The following LINGO2 variants were observed in gnomAD, a reference collection of about 807,000 sequenced individuals.
LINGO2 encodes the protein leucine-rich repeat and immunoglobulin-like domain-containing nogo receptor-interacting protein 2.
A neutral mutation model predicts 30.6 loss-of-function variants in LINGO2; 14 were observed. That is an observed-to-expected ratio of 0.46 (90% CI 0.30 to 0.72). The LOEUF (loss-of-function observed/expected upper bound fraction) is 0.72, where lower values mean the gene tolerates loss of function less well. Among genes scored for constraint, LINGO2 ranks in the 30% least tolerant of loss-of-function variants. LINGO2 has a pLI of 0.07. For missense variants in LINGO2, 729 were observed against 751.7 expected, an observed-to-expected ratio of 0.97 and a Z score of 0.35; for synonymous variants, 317 against 288.5, an observed-to-expected ratio of 1.10 and a Z score of -1.00.
chr9:28,703,502 T>C, the LINGO2 span, among the ~76,000 whole-genome samples: 2 of 151,890 alleles, frequency 1.3e-5, no homozygotes. Context: ...AGGATGTGTT[T>C]TATGGCCAAG....
chr9:28,137,074 G>T (rs1587061521), intron 4 of LINGO2, among the ~76,000 whole-genome samples: 1 of 152,070 alleles, frequency 6.6e-6, no homozygotes, highest in East Asian at 1.9e-4. Context: ...CTATACCACT[G>T]GCTGCCCTGG....
At chr9:27,949,118 C>T in exon 6 of LINGO2, 7 of 1,614,128 alleles carry the variant, frequency 4.3e-6, no homozygotes, top group East Asian at 2.2e-5. Flanking sequence ...TGGAGTCGGT[C>T]ATGTACATAG....
chr9:28,596,133 T>A (rs1340185972), intron 1 of LINGO2, among the ~76,000 whole-genome samples: 1 of 152,160 alleles, frequency 6.6e-6, no homozygotes, highest in Non-Finnish European at 1.5e-5. Context: ...GGAAGGATAT[T>A]ATAACTATTT....
At chr9:28,921,562 C>G in the LINGO2 span, among the ~76,000 whole-genome samples, 15 of 152,202 alleles carry the variant, frequency 9.9e-5, no homozygotes, top group East Asian at 2.5e-3. Context: ...CTTGGTAGCT[C>G]GAGCAGTAAA....
the LINGO2 span, among the ~76,000 whole-genome samples, chr9:28,775,680 C>A: frequency 6.6e-6 from 1 of 152,162 alleles, no homozygotes; most frequent in African/African-American, 2.4e-5. Flanking sequence ...TGATTGACAT[C>A]TGCTAAGAAC....
chr9:28,674,909 T>A (rs961600209), upstream of LINGO2, among the ~76,000 whole-genome samples: 1 of 152,042 alleles, frequency 6.6e-6, no homozygotes, highest in Non-Finnish European at 1.5e-5. Flanking sequence ...TTGGAGAGTG[T>A]AGAATGTGAC....
intron 5 of LINGO2, among the ~76,000 whole-genome samples, chr9:28,005,366 A>G (rs753591190): frequency 1.3e-5 from 2 of 152,176 alleles, no homozygotes; most frequent in African/African-American, 2.4e-5. Flanking sequence ...GTGATTCCCA[A>G]CTTCTCTGAG....
At chr9:28,085,020 T>A (rs1563965019) in intron 4 of LINGO2, among the ~76,000 whole-genome samples, 1 of 152,118 alleles carries the variant, frequency 6.6e-6, no homozygotes, top group Admixed American at 6.6e-5. Flanking sequence ...TCTAATTTAA[T>A]CTTTAAAACA....
intron 1 of LINGO2, among the ~76,000 whole-genome samples, chr9:28,645,326 A>G (rs549463176): frequency 6.6e-6 from 1 of 152,272 alleles, no homozygotes; most frequent in African/African-American, 2.4e-5. Context: ...TCACATAAAC[A>G]TAAGTCATCA....
In LINGO2 at chr9:28,148,881, T is replaced by A; in HGVS notation, c.-86-136476A>T. 1 of 1,533,742 alleles carries A rather than the reference T, an allele frequency of 6.5e-7. No homozygotes were observed. The highest frequency in any genetic ancestry group is 8.7e-7 in the Non-Finnish European group (1 of 1,146,552). ...GGCTTGCTGATGGTGGGGGAGGACA[T>A]GCAGCCCAAGGATCCTGCAGCTCTT... On this transcript the variant is annotated intron_variant, in intron 4 of 5. Coordinates refer to ENST00000379992, the Ensembl canonical transcript of LINGO2. This position sits in a 1 kb window ranked among gnomAD's most constrained non-coding sequence, Gnocchi z 5.1.
chr9:28,077,937 T>A (rs534711236), intron 4 of LINGO2, among the ~76,000 whole-genome samples: 1 of 149,242 alleles, frequency 6.7e-6, no homozygotes, highest in South Asian at 2.1e-4. Flanking sequence ...CAGGCCTGAT[T>A]TCATGATTAA....
intron 1 of LINGO2, among the ~76,000 whole-genome samples, chr9:28,524,098 T>C (rs1260685980): frequency 2.0e-5 from 3 of 152,146 alleles, no homozygotes; most frequent in Non-Finnish European, 2.9e-5. Context: ...TGGAATAGAA[T>C]TGAGACTCAT....
Position 28,329,039 on chromosome 9 carries a change from G to A in LINGO2, c.-245-33673C>T, listed in dbSNP as rs535180050. Among the ~76,000 whole-genome samples, 5 of 152,172 alleles carry A rather than the reference G, an allele frequency of 3.3e-5. No homozygotes were observed. The highest frequency in any genetic ancestry group is 2.1e-4 in the South Asian group (1 of 4,808). ...TCAGGTTCTCACCCCATCCGTATAC[G>A]AGCTAGGCCTTATCCCTTACAAGAG... On this transcript the variant is annotated intron_variant, in intron 3 of 5. Coordinates refer to ENST00000379992, the Ensembl canonical transcript of LINGO2. This position sits in a 1 kb window ranked among gnomAD's most constrained non-coding sequence, Gnocchi z 4.5.
intron 3 of LINGO2, among the ~76,000 whole-genome samples, chr9:28,363,347 T>C (rs542000547): frequency 1.6e-4 from 25 of 152,312 alleles, no homozygotes; most frequent in African/African-American, 6.0e-4. Context: ...AAGAACAGCA[T>C]ATGAGAAAAC....
At chr9:28,855,248 C>T in the LINGO2 span, among the ~76,000 whole-genome samples, 1 of 152,096 alleles carries the variant, frequency 6.6e-6, no homozygotes. Flanking sequence ...TTGCAAACAG[C>T]AGCAATGCAA....
chr9:28,581,306 G>C (rs1055239214), intron 1 of LINGO2, among the ~76,000 whole-genome samples: 26 of 151,684 alleles, frequency 1.7e-4, no homozygotes, highest in African/African-American at 5.3e-4. Flanking sequence ...TTCATTATGG[G>C]AGCCAAACCA....
chr9:29,012,370 T>C, the LINGO2 span, among the ~76,000 whole-genome samples: 1 of 151,892 alleles, frequency 6.6e-6, no homozygotes, highest in Non-Finnish European at 1.5e-5. Flanking sequence ...AAAAAAAAAT[T>C]ATATTATTCA....
chr9:28,712,879 A>AT, the LINGO2 span, among the ~76,000 whole-genome samples: 1 of 151,846 alleles, frequency 6.6e-6, no homozygotes, highest in Admixed American at 6.6e-5. Context: ...TTATTCATTT[A>AT]TTTTTTTATG....
chr9:28,069,718 T>C (rs1587806240), intron 4 of LINGO2, among the ~76,000 whole-genome samples: 2 of 152,150 alleles, frequency 1.3e-5, no homozygotes, highest in African/African-American at 4.8e-5. Context: ...AGTAGCAGCA[T>C]TTAGTGCCCA....
Sources: allele counts gnomAD v4.1 joint callset (sites outside exome capture counted in the v4.1 genomes callset), GRCh38; gene constraint gnomAD v4.1.1; non-coding constraint Gnocchi (gnomAD v3.1); transcripts MANE v1.5; gene names NCBI Gene and HGNC (gene_info 2026-07-23, HGNC 2026-07-21).